WASF3: variants seen among roughly 807,000 people sequenced by gnomAD.
WASF3 encodes the protein WASP family member 3.
In WASF3, 11 loss-of-function variants were observed where a neutral mutation model predicts 46.6. That is an observed-to-expected ratio of 0.24 (90% CI 0.15 to 0.39). WASF3 has a LOEUF of 0.39. Ranked by LOEUF, WASF3 falls within the 10% of genes least tolerant of loss-of-function variation. The pLI, the probability that WASF3 is intolerant of heterozygous loss-of-function variation, is 1.00. For missense variants in WASF3, 576 were observed against 669.8 expected, an observed-to-expected ratio of 0.86 and a Z score of 1.55; for synonymous variants, 242 against 259.7, an observed-to-expected ratio of 0.93 and a Z score of 0.65.
chr13:26,675,062 C>T (rs2137491233), intron 6 of WASF3, among the ~76,000 whole-genome samples: 1 of 152,256 alleles, frequency 6.6e-6, no homozygotes, highest in South Asian at 2.1e-4. Context: ...TTCACCACAC[C>T]CTTGGGCCAC....
the WASF3 span, among the ~76,000 whole-genome samples, chr13:26,540,437 C>G: frequency 6.6e-6 from 1 of 152,170 alleles, no homozygotes; most frequent in Non-Finnish European, 1.5e-5. Context: ...CTGGCAACCT[C>G]GAGCATTGGC....
intron 2 of WASF3, among the ~76,000 whole-genome samples, chr13:26,618,397 C>T (rs866136411): frequency 7.2e-5 from 11 of 152,156 alleles, no homozygotes; most frequent in Non-Finnish European, 1.3e-4. Flanking sequence ...GTTCCTCCTC[C>T]CTTAGAATAA....
At chr13:26,671,480 A>G (rs1481505560) in intron 5 of WASF3, among the ~76,000 whole-genome samples, 2 of 152,222 alleles carry the variant, frequency 1.3e-5, no homozygotes, top group African/African-American at 4.8e-5. Context: ...GCTCCAGTGT[A>G]GAAGTGAATG....
intron 2 of WASF3, among the ~76,000 whole-genome samples, chr13:26,634,185 T>C (rs564087658): frequency 6.6e-6 from 1 of 152,354 alleles, no homozygotes; most frequent in South Asian, 2.1e-4. Flanking sequence ...ATTGGGTGCA[T>C]ATATATTTAG....
At chr13:26,599,499 T>G (rs892106009) in intron 1 of WASF3, among the ~76,000 whole-genome samples, 1 of 152,202 alleles carries the variant, frequency 6.6e-6, no homozygotes, top group African/African-American at 2.4e-5. Flanking sequence ...CCCTAGCACC[T>G]TGTGCACTAC....
intron 1 of WASF3, among the ~76,000 whole-genome samples, chr13:26,578,983 G>C (rs1322866808): frequency 1.0e-5 from 1 of 99,376 alleles, no homozygotes; most frequent in African/African-American, 3.9e-5. Flanking sequence ...ATATTCTTGG[G>C]ATACATTTCC....
intron 2 of WASF3, among the ~76,000 whole-genome samples, chr13:26,621,177 TGTA>T (rs1366892305): frequency 6.6e-6 from 1 of 152,230 alleles, no homozygotes; most frequent in Admixed American, 6.5e-5. Flanking sequence ...ATACCTTTAA[TGTA>T]GTGCTTATCA....
chr13:26,668,943 G>C (rs1208717463), intron 5 of WASF3, among the ~76,000 whole-genome samples: 1 of 152,118 alleles, frequency 6.6e-6, no homozygotes, highest in Non-Finnish European at 1.5e-5. Context: ...TTACTTAGCA[G>C]TGAAGCCTCA....
At chr13:26,547,088 A>G in the WASF3 span, among the ~76,000 whole-genome samples, 2 of 151,396 alleles carry the variant, frequency 1.3e-5, no homozygotes, top group African/African-American at 2.4e-5. Context: ...AATAGATATC[A>G]TGGTGGTTGG....
intron 1 of WASF3, among the ~76,000 whole-genome samples, chr13:26,561,884 G>C (rs1172778705): frequency 6.6e-6 from 1 of 152,204 alleles, no homozygotes; most frequent in Non-Finnish European, 1.5e-5. Context: ...AGGTTTGAGA[G>C]AAATTGTGCA....
At chr13:26,683,022 C>T in intron 9 of WASF3, 48 bp downstream of exon 9, 4 of 1,561,774 alleles carry the variant, frequency 2.6e-6, no homozygotes, top group Non-Finnish European at 3.4e-6. Flanking sequence ...CAAGAGGTTT[C>T]TTCATGTCTC....
chr13:26,655,561 A>G (rs1366681686), intron 3 of WASF3, among the ~76,000 whole-genome samples: 5 of 152,170 alleles, frequency 3.3e-5, no homozygotes, highest in African/African-American at 4.8e-5. Flanking sequence ...CCATCCTTCT[A>G]TGAACCCACT....
intron 2 of WASF3, among the ~76,000 whole-genome samples, chr13:26,627,258 C>A (rs1030764326): frequency 1.5e-5 from 2 of 137,160 alleles, no homozygotes; most frequent in Admixed American, 7.2e-5. Flanking sequence ...CTATCAACAT[C>A]TTATACTATA....
Position 26,628,362 on chromosome 13 carries a change from A to G in WASF3, c.-10-13899A>G, listed in dbSNP as rs143962629. On this transcript the variant is annotated intron_variant, in intron 2 of 9. Coordinates refer to ENST00000335327, the MANE Select transcript of WASF3 (RefSeq NM_006646.6). ...AGAACAACCCCCTACCCCCACCATG[A>G]GAAAGAGTTTGCAGTAAGAGGTTAG... 4.9e-3 allele frequency among the ~76,000 whole-genome samples: 741 copies of G among 152,324 alleles called. 20 individuals carry two copies. Among genetic ancestry groups the G allele is most frequent in the Admixed American group, 0.041 (634 of 15,306 alleles).
rs117006010 is a variant in WASF3 at position 26,637,731 on chromosome 13, A to G, written c.-10-4530A>G. On this transcript the variant is annotated intron_variant, in intron 2 of 9. Coordinates refer to ENST00000335327, the MANE Select transcript of WASF3 (RefSeq NM_006646.6). ...GTATCCCTTCATTTGGACATTTTCC[A>G]GGTCACCGTCACTGTAATCTTTAGC... Among the ~76,000 whole-genome samples the G allele has an allele frequency of 9.4e-3, 1,428 of 152,292 alleles. 13 individuals are homozygous for G. The highest frequency in any genetic ancestry group is 0.015 in the South Asian group (71 of 4,818).
At chr13:26,647,345 T>C (rs958925986) in intron 3 of WASF3, among the ~76,000 whole-genome samples, 2 of 152,170 alleles carry the variant, frequency 1.3e-5, no homozygotes, top group South Asian at 4.1e-4. Context: ...GGATAGCCGC[T>C]TGGCAAACAG....
At chr13:26,635,557 G>A (rs977491552) in intron 2 of WASF3, among the ~76,000 whole-genome samples, 2 of 152,176 alleles carry the variant, frequency 1.3e-5, no homozygotes, top group Admixed American at 1.3e-4. Flanking sequence ...ATCCTTTGGA[G>A]GAGAAAACGT....
At chr13:26,649,696 T>C (rs974642034) in intron 3 of WASF3, among the ~76,000 whole-genome samples, 10 of 152,234 alleles carry the variant, frequency 6.6e-5, no homozygotes, top group Admixed American at 5.9e-4. Context: ...TTGTGTGTTT[T>C]TCTGCCAGCA....
intron 3 of WASF3, among the ~76,000 whole-genome samples, chr13:26,650,915 C>T (rs935449907): frequency 6.6e-5 from 10 of 151,868 alleles, no homozygotes; most frequent in Admixed American, 1.3e-4. Context: ...CTGACACATA[C>T]GTAATTGGAA....
Sources: allele counts gnomAD v4.1 joint callset (sites outside exome capture counted in the v4.1 genomes callset), GRCh38; gene constraint gnomAD v4.1.1; transcripts MANE v1.5; gene names NCBI Gene and HGNC (gene_info 2026-07-23, HGNC 2026-07-21).